Variants in AGTPBP1 observed in about 807,000 individuals in gnomAD.
The protein encoded by AGTPBP1 is ATP/GTP binding carboxypeptidase 1, also known as cytosolic carboxypeptidase 1.
In AGTPBP1, 70 loss-of-function variants were observed where a neutral mutation model predicts 143.9. The ratio of observed to expected loss-of-function variants is 0.49; its 90% CI spans 0.40 to 0.59. AGTPBP1 has a LOEUF of 0.59. Ranked by LOEUF, AGTPBP1 falls within the 20% of genes least tolerant of loss-of-function variation. The pLI, the probability that AGTPBP1 is intolerant of heterozygous loss-of-function variation, is 0.00. For missense variants in AGTPBP1, 1,229 were observed against 1,464.5 expected (o/e 0.84, Z 2.62); for synonymous variants, 463 against 500.2 (o/e 0.93, Z 0.99).
rs1192116727 is a variant in AGTPBP1, at chr9:85,547,266, T to C, written c.3524A>G (p.Asp1175Gly). 6.2e-7 allele frequency: 1 copy of C among 1,611,630 alleles called. No homozygotes were observed. The highest frequency in any genetic ancestry group is 8.5e-7 in the Non-Finnish European group (1 of 1,179,194). The change falls in exon 26 of 26, where the codon GAT becomes GGT. Residue 1175 changes from aspartate (D) to glycine (G), a missense_variant. This residue lies in a region of AGTPBP1 where 486 missense variants were observed against 652.3 expected (regional missense o/e 0.75). Transcript: ENST00000357081. ...TTCAAGGAATCGAGGTTCATCTTCA[T>C]CCAAGACATAAGTGGTAGGGCTGCA... is the stretch of plus-strand genomic sequence containing the variant. ...KVTSPTTYVL[D>G]EDEPRFLEEV...
At chr9:85,681,679 T>C (rs1008739844) in intron 3 of AGTPBP1, among the ~76,000 whole-genome samples, 28 of 151,862 alleles carry the variant, frequency 1.8e-4, no homozygotes, top group African/African-American at 6.0e-4. Flanking sequence ...ACTAGAAAAT[T>C]GTTCATCAAA....
intron 11 of AGTPBP1, among the ~76,000 whole-genome samples, chr9:85,651,008 C>G (rs1833130663): frequency 6.6e-6 from 1 of 152,176 alleles, no homozygotes; most frequent in Non-Finnish European, 1.5e-5. Flanking sequence ...AGCTTTCTAT[C>G]CTGCTGTCTT....
chr9:85,757,191 C>T, the AGTPBP1 span, among the ~76,000 whole-genome samples: 4 of 152,222 alleles, frequency 2.6e-5, no homozygotes, highest in South Asian at 4.2e-4. Flanking sequence ...CTCAGCCTCC[C>T]GAGTAGCTCG....
chr9:85,757,418 T>C, the AGTPBP1 span, among the ~76,000 whole-genome samples: 1 of 151,982 alleles, frequency 6.6e-6, no homozygotes, highest in Non-Finnish European at 1.5e-5. Context: ...TTATATCTCA[T>C]TAAAGCTATT....
chr9:85,733,466 G>A (rs1264066611), intron 1 of AGTPBP1, among the ~76,000 whole-genome samples: 1 of 152,120 alleles, frequency 6.6e-6, no homozygotes, highest in Non-Finnish European at 1.5e-5. Flanking sequence ...ACAGGATATA[G>A]CAAAAGCAGT....
chr9:85,660,401 C>CAT (rs1291839999), intron 9 of AGTPBP1, among the ~76,000 whole-genome samples: 1 of 152,126 alleles, frequency 6.6e-6, no homozygotes, highest in Non-Finnish European at 1.5e-5. Context: ...AAGCATAAGA[C>CAT]ATATCTACTC....
At chr9:85,752,451 A>G in the AGTPBP1 span, among the ~76,000 whole-genome samples, 72 of 152,354 alleles carry the variant, frequency 4.7e-4, no homozygotes, top group East Asian at 0.012. Context: ...TAATAAGCTC[A>G]GAAAGGCAGA....
intron 25 of AGTPBP1, among the ~76,000 whole-genome samples, chr9:85,567,371 A>G (rs1827175306): frequency 6.6e-6 from 1 of 152,150 alleles, no homozygotes; most frequent in Non-Finnish European, 1.5e-5. Context: ...CAGGTGAATC[A>G]TTTGAGGTCA....
intron 19 of AGTPBP1, among the ~76,000 whole-genome samples, chr9:85,590,386 TACC>T (rs1828882726): frequency 6.6e-6 from 1 of 152,192 alleles, no homozygotes; most frequent in Non-Finnish European, 1.5e-5. Flanking sequence ...ATGAATACTA[TACC>T]ACATCATTAA....
chr9:85,761,945 C>G, the AGTPBP1 span, among the ~76,000 whole-genome samples: 1 of 152,176 alleles, frequency 6.6e-6, no homozygotes, highest in Admixed American at 6.6e-5. Context: ...ACAACCCCAT[C>G]AACAAGTGGG....
intron 13 of AGTPBP1, among the ~76,000 whole-genome samples, chr9:85,638,792 CA>C (rs1832256299): frequency 6.6e-6 from 1 of 151,770 alleles, no homozygotes; most frequent in African/African-American, 2.4e-5. Flanking sequence ...AAATATATAA[CA>C]AAAAACTAAC....
chr9:85,560,523 C>A (rs915785763), intron 25 of AGTPBP1, among the ~76,000 whole-genome samples: 19 of 152,010 alleles, frequency 1.2e-4, no homozygotes, highest in African/African-American at 4.3e-4. Flanking sequence ...AAAGTCTGCT[C>A]GAAAGTAAAT....
At chr9:85,742,101 C>T (rs978349615), upstream of AGTPBP1, 2 of 1,024,496 alleles carry the variant, frequency 2.0e-6, no homozygotes, top group Non-Finnish European at 2.4e-6. Flanking sequence ...CGCCGCGTCC[C>T]TTGTTACCTC....
At chr9:85,679,321 T>C (rs1477237058) in intron 4 of AGTPBP1, among the ~76,000 whole-genome samples, 1 of 152,230 alleles carries the variant, frequency 6.6e-6, no homozygotes, top group African/African-American at 2.4e-5. Flanking sequence ...GACATTTGTG[T>C]TTCTTTTCCT....
chr9:85,638,587 T>C (rs911986343), intron 13 of AGTPBP1, among the ~76,000 whole-genome samples: 1 of 152,002 alleles, frequency 6.6e-6, no homozygotes, highest in East Asian at 1.9e-4. Flanking sequence ...AATCCAACTA[T>C]ACGCTGTTTA....
rs1316133743 is a variant in AGTPBP1, at chr9:85,639,410, A to G, written c.1302+3417T>C. ...ACACACACACACACATATGAAAAGA[A>G]TAAGGCTGAAAATTACTGGACATCT... On this transcript the variant is annotated intron_variant, in intron 13 of 25. Transcript: ENST00000357081. Among the ~76,000 whole-genome samples the G allele has an allele frequency of 2.6e-5, 4 of 151,164 alleles. No individual in the cohort carries two copies. In the East Asian group the frequency reaches 7.7e-4, roughly 29 times the overall value.
At chr9:85,623,393 G>A (rs1404321017) in intron 14 of AGTPBP1, among the ~76,000 whole-genome samples, 1 of 152,020 alleles carries the variant, frequency 6.6e-6, no homozygotes, top group East Asian at 1.9e-4. Context: ...GGACATAATT[G>A]CCCATTTATA....
the AGTPBP1 span, among the ~76,000 whole-genome samples, chr9:85,751,897 C>G: frequency 6.6e-6 from 1 of 151,474 alleles, no homozygotes; most frequent in East Asian, 2.0e-4. Context: ...TGAGCCACCA[C>G]TCCTGGCCAA....
chr9:85,779,699 A>C, the AGTPBP1 span, among the ~76,000 whole-genome samples: 1 of 152,038 alleles, frequency 6.6e-6, no homozygotes, highest in Non-Finnish European at 1.5e-5. Context: ...CTCTACCAAA[A>C]ATTTAAAAAA....
Sources: gnomAD v4.1 joint callset for allele counts (sites outside exome capture counted in the v4.1 genomes callset) on GRCh38, gnomAD v4.1.1 for gene constraint, gnomAD v4.1.1 regional missense constraint, MANE v1.5 for transcripts, NCBI Gene and HGNC (gene_info 2026-07-23, HGNC 2026-07-21) for gene names.